RP1L1: variants seen among roughly 807,000 people sequenced by gnomAD.
The protein encoded by RP1L1 is RP1 like 1.
In RP1L1, 27 loss-of-function variants were observed where a neutral mutation model predicts 15.7. The ratio of observed to expected loss-of-function variants is 1.72; its 90% CI spans 1.27 to 2.38. RP1L1 has a LOEUF of 2.38. Ranked by LOEUF, RP1L1 falls within the 30% of genes most tolerant of loss-of-function variation. The probability of loss-of-function intolerance (pLI) is 0.00; values close to 1 mark genes in which losing one functional copy is unlikely to be tolerated. For synonymous variants in RP1L1, 1,813 were observed against 1,276.7 expected (o/e 1.42, Z -8.96); for missense variants, 4,798 against 3,075.9 (o/e 1.56, Z -13.24).
chr8:10,637,993 T>TG (rs1255054953), intron 1 of RP1L1, among the ~76,000 whole-genome samples: 2 of 152,202 alleles, frequency 1.3e-5, no homozygotes, highest in Non-Finnish European at 2.9e-5. Flanking sequence ...GAATAGGCGA[T>TG]GGTGCCCACC....
At position 10,655,026 on chromosome 8, in the gene RP1L1, G is replaced by A. The variant is rs925686714; in HGVS notation, c.-148C>T. On this transcript the variant is annotated 5_prime_UTR_variant, in exon 1 of 4. Coordinates refer to ENST00000382483, the MANE Select transcript of RP1L1 (RefSeq NM_178857.6). Reference sequence around the variant, plus strand: ...GTGGCTCAGTCCCTCTGGGCAGCAGGGCTGGCCACCCTCCTCCGGACAGTC... The same window carrying A: ...GTGGCTCAGTCCCTCTGGGCAGCAGAGCTGGCCACCCTCCTCCGGACAGTC... The A allele has an allele frequency of 4.6e-5, 7 of 152,762 alleles. No homozygotes were observed. The highest frequency in any genetic ancestry group is 1.7e-4 in the African/African-American group (7 of 41,466). 9.5% of individuals were successfully genotyped at this position (152,762 alleles called of 1,614,324 possible).
chr8:10,607,022 G>A lies in RP1L1; in HGVS notation c.7076C>T (p.Ser2359Leu), dbSNP rs1373634480. 5.0e-6 allele frequency: 8 copies of A among 1,614,194 alleles called. No homozygotes were observed. Among genetic ancestry groups the A allele is most frequent in the African/African-American group, 1.3e-5 (1 of 75,058 alleles). Residue 2359 changes from serine to leucine, a missense_variant, in exon 4 of 4, where the codon TCA (serine) becomes TTA (leucine). Coordinates refer to ENST00000382483, the MANE Select transcript of RP1L1 (RefSeq NM_178857.6). ...TSEQEEAPLG[S>L]RTPEQGASEG... Reference sequence around the variant, plus strand: ...ACTGGCCCCCTGCTCTGGAGTCCTTGAGCCCAAAGGGGCCTCTTCTTGCTC... The same window carrying A: ...ACTGGCCCCCTGCTCTGGAGTCCTTAAGCCCAAAGGGGCCTCTTCTTGCTC...
intron 3 of RP1L1, among the ~76,000 whole-genome samples, chr8:10,614,375 A>G (rs1169536497): frequency 6.6e-6 from 1 of 152,176 alleles, no homozygotes; most frequent in Non-Finnish European, 1.5e-5. Flanking sequence ...CTAAGAAAGA[A>G]TGAGCCAGGC....
chr8:10,607,329 G>A lies in RP1L1; in HGVS notation c.6769C>T (p.Leu2257=). 1 of 1,614,178 alleles carries A rather than the reference G, an allele frequency of 6.2e-7. No homozygotes were observed. The highest frequency in any genetic ancestry group is 8.5e-7 in the Non-Finnish European group (1 of 1,180,016). The change falls in exon 4 of 4, where the codon CTA becomes TTA. Residue 2257 remains leucine (L), a synonymous_variant. Coordinates refer to ENST00000382483, the MANE Select transcript of RP1L1 (RefSeq NM_178857.6). The part of the protein sequence containing the change: ...GEKKGSPQVS[L]GDGQSEEASE... The stretch of plus-strand genomic sequence containing the variant: ...GCCTCCTCAGATTGGCCATCTCCTA[G>A]ACTGACCTGAGGGCTCCCCTTTTTC...
rs758385502 is a variant in RP1L1 at position 10,609,142 on chromosome 8, C to T, written c.4956G>A (p.Glu1652=). Residue 1652 remains glutamate (E), a synonymous_variant, in exon 4 of 4, where the codon GAG becomes GAA. Transcript: ENST00000382483. ...ALGSQLGEEA[E]GEEFCPCEAC... ...CCTCGCAGGGACAGAACTCCTCCCCCTCCGCCTCCTCGCCCAGCTGGCTCC... is the reference window on the plus strand; with the variant it reads ...CCTCGCAGGGACAGAACTCCTCCCCTTCCGCCTCCTCGCCCAGCTGGCTCC... 7.4e-6 allele frequency: 12 copies of T among 1,613,574 alleles called. No homozygotes were observed. The highest frequency in any genetic ancestry group is 3.3e-5 in the Admixed American group (2 of 60,026).
chr8:10,632,029 T>C (rs1798260746), intron 1 of RP1L1, among the ~76,000 whole-genome samples: 1 of 152,140 alleles, frequency 6.6e-6, no homozygotes, highest in Non-Finnish European at 1.5e-5. Context: ...CTTCACACGG[T>C]GGGCAGTGGG....
Position 10,608,806 on chromosome 8 carries a change from C to G in RP1L1, c.5292G>C (p.Glu1764Asp). Residue 1764 changes from glutamate (E) to aspartate (D), a missense_variant, in exon 4 of 4, where the codon GAG becomes GAC. Physicochemically the swap from Glu to Asp is conservative, Grantham distance 45. Coordinates refer to ENST00000382483, the MANE Select transcript of RP1L1 (RefSeq NM_178857.6). ...RDKDPKLGEA[E>D]GDAMAQEREG... ...CTCTCTCCTGAGCCATTGCATCTCCCTCTGCCTCCCCGAGTTTGGGATCTT... is the reference window on the plus strand; with the variant it reads ...CTCTCTCCTGAGCCATTGCATCTCCGTCTGCCTCCCCGAGTTTGGGATCTT... 1.9e-6 allele frequency: 3 copies of G among 1,614,200 alleles called. No individual in the cohort carries two copies. The highest frequency in any genetic ancestry group is 2.5e-6 in the Non-Finnish European group (3 of 1,180,048).
chr8:10,623,354 T>C (rs1798104748), intron 1 of RP1L1, 134 bp from the exon 2 acceptor site: 6 of 695,124 alleles, frequency 8.6e-6, no homozygotes, highest in South Asian at 8.1e-5. Flanking sequence ...GGCAAGTGAA[T>C]CTATTTGGAT....
Position 10,622,645 on chromosome 8 carries a change from G to A in RP1L1, c.557C>T (p.Ser186Leu). Residue 186 changes from serine to leucine, a missense_variant, in exon 2 of 4, where the codon TCA (serine) becomes TTA (leucine). By Grantham distance (145) the Ser-to-Leu change is moderately radical (BLOSUM62 -2). Transcript: ENST00000382483. ...CTTCACAGGAAAGCGCAGGAGATCT[G>A]AGGCTTTGCCGAGAAAGGCGGCCAG... ...RNLAAFLGKA[S>L]DLLRFPVKQL... The A allele has an allele frequency of 6.2e-7, 1 of 1,614,196 alleles. No homozygotes were observed. Among genetic ancestry groups the A allele is most frequent in the Non-Finnish European group, 8.5e-7 (1 of 1,180,040 alleles).
chr8:10,640,498 C>A (rs982033758), intron 1 of RP1L1, among the ~76,000 whole-genome samples: 1 of 151,688 alleles, frequency 6.6e-6, no homozygotes, highest in African/African-American at 2.4e-5. Context: ...ACTAAAAATA[C>A]AAAAATTAGC....
Position 10,611,839 on chromosome 8 carries a change from G to C in RP1L1, c.2259C>G (p.Ser753=), listed in dbSNP as rs1391190432. 6.2e-7 allele frequency: 1 copy of C among 1,613,650 alleles called. No individual in the cohort carries two copies. Among genetic ancestry groups the C allele is most frequent in the Non-Finnish European group, 8.5e-7 (1 of 1,180,044 alleles). Residue 753 remains serine (S), a synonymous_variant, in exon 4 of 4, where the codon TCC becomes TCG. Coordinates refer to ENST00000382483, the MANE Select transcript of RP1L1 (RefSeq NM_178857.6). ...ACCCGGCAGAGGGAGCGTTGTGCGG[G>C]GAGACTCCAGAAACAAAATCCGAGT... The part of the protein sequence containing the change: ...AVHSDFVSGV[S]PHNAPSAGWA...
At position 10,616,515 on chromosome 8, in the gene RP1L1, G is replaced by A. The variant is rs1354191791; in HGVS notation, c.682C>T (p.Pro228Ser). Residue 228 changes from proline to serine, a missense_variant, in exon 3 of 4, where the codon CCA (proline) becomes TCA (serine). Physicochemically the swap from Pro to Ser is moderately conservative, Grantham distance 74. Coordinates refer to ENST00000382483, the MANE Select transcript of RP1L1 (RefSeq NM_178857.6). ...VCAGHEAFRTPAMKNARRSEA... is the reference protein window; with the variant it reads ...VCAGHEAFRTSAMKNARRSEA... The stretch of plus-strand genomic sequence containing the variant: ...CTTCTCCTGGCATTTTTCATGGCTG[G>A]GGTTCTGAAGGCCTCATGCCCGGCA... 1 of 1,614,198 alleles carries A rather than the reference G, an allele frequency of 6.2e-7. No homozygotes were observed. The highest frequency in any genetic ancestry group is 8.5e-7 in the Non-Finnish European group (1 of 1,180,048).
chr8:10,609,224 C>G lies in RP1L1; in HGVS notation c.4874G>C (p.Gly1625Ala), dbSNP rs770098967. 10 of 1,609,624 alleles carry G rather than the reference C, an allele frequency of 6.2e-6. No homozygotes were observed. Among genetic ancestry groups the G allele is most frequent in the Non-Finnish European group, 7.6e-6 (9 of 1,179,860 alleles). ...CAGGGTGAAGGAGAGGGGCCCCAGG[C>G]CCAGGGTCCGCTCAGAGAAGGCCGA... ...NLSAFSERTL[G>A]LGPLSFTLED... The change falls in exon 4 of 4, where the codon GGC becomes GCC. Residue 1625 changes from glycine to alanine, a missense_variant. Physicochemically the swap from Gly to Ala is moderately conservative, Grantham distance 60 (BLOSUM62 0). Transcript: ENST00000382483.
At chr8:10,635,378 G>A (rs1008288645) in intron 1 of RP1L1, among the ~76,000 whole-genome samples, 1 of 152,204 alleles carries the variant, frequency 6.6e-6, no homozygotes, top group Non-Finnish European at 1.5e-5. Context: ...CTACCATGCC[G>A]GGTTATTCCC....
rs376366674 is a variant in RP1L1 at position 10,617,616 on chromosome 8, G to A, written c.610-1029C>T. ...CTGTCACCCAGGCTGGAGTGCAGTG[G>A]CGCGATCTGGGCTCACTGCAAGCTC... On this transcript the variant is annotated intron_variant, in intron 2 of 3. Coordinates refer to ENST00000382483, the MANE Select transcript of RP1L1 (RefSeq NM_178857.6). 6.1e-4 allele frequency among the ~76,000 whole-genome samples: 84 copies of A among 137,830 alleles called. 2 individuals carry two copies. In the East Asian group the frequency reaches 0.015, roughly 24 times the overall value. The allele number at this position is 137,830 out of a possible 152,430, so 90.4% of individuals were successfully genotyped here.
chr8:10,622,236 T>C (rs748362193), intron 2 of RP1L1, among the ~76,000 whole-genome samples: 7 of 151,542 alleles, frequency 4.6e-5, no homozygotes, highest in South Asian at 2.1e-4. Context: ...AGGAGAATCA[T>C]TGGAACCCAG....
intron 3 of RP1L1, 148 bp downstream of exon 3, chr8:10,616,298 G>A: frequency 1.0e-6 from 1 of 977,348 alleles, no homozygotes; most frequent in Non-Finnish European, 1.6e-6. Flanking sequence ...GAAGGAGGAA[G>A]AGGCAAGAGA....
At chr8:10,617,558 T>C (rs1170702599) in intron 2 of RP1L1, among the ~76,000 whole-genome samples, 2 of 122,504 alleles carry the variant, frequency 1.6e-5, no homozygotes, top group African/African-American at 3.1e-5. Flanking sequence ...TTTTTTTTTT[T>C]TTTTTTTTTT....
intron 1 of RP1L1, among the ~76,000 whole-genome samples, chr8:10,639,851 G>T (rs117377251): frequency 6.6e-6 from 1 of 152,166 alleles, no homozygotes; most frequent in African/African-American, 2.4e-5. Context: ...GAAATGAAAA[G>T]TATTTCCAGA....
Sources: gnomAD v4.1 joint callset for allele counts (sites outside exome capture counted in the v4.1 genomes callset) on GRCh38, gnomAD v4.1.1 for gene constraint, MANE v1.5 for transcripts, NCBI Gene and HGNC (gene_info 2026-07-23, HGNC 2026-07-21) for gene names.